The following KCNMA1 variants were observed in gnomAD, a reference collection of about 807,000 sequenced individuals.
KCNMA1 encodes the protein potassium calcium-activated channel subfamily M alpha 1.
Under a neutral mutation model 140.0 loss-of-function variants are expected in KCNMA1, and 29 were observed. The ratio of observed to expected loss-of-function variants is 0.21; its 90% CI spans 0.15 to 0.28. KCNMA1 has a LOEUF of 0.28. Ranked by LOEUF, KCNMA1 falls within the 10% of genes least tolerant of loss-of-function variation. KCNMA1 has a pLI of 1.00. For synonymous variants in KCNMA1, 612 were observed against 611.9 expected (o/e 1.00, Z 0.00); for missense variants, 880 against 1,602.2 (o/e 0.55, Z 7.70).
At position 77,073,192 on chromosome 10, in the gene KCNMA1, C is replaced by T; in HGVS notation, c.1654G>A (p.Ala552Thr). 6.2e-7 allele frequency: 1 copy of T among 1,614,174 alleles called. No homozygotes were observed. The highest frequency in any genetic ancestry group is 8.5e-7 in the Non-Finnish European group (1 of 1,179,992). Residue 552 changes from alanine to threonine, a missense_variant, in exon 14 of 28, where the codon GCA (alanine) becomes ACA (threonine). Transcript: ENST00000286628. ...GCTATGAAGCCCAACTTCAACTCTG[C>T]GAGGCAGATTGCGTCATCACCTTCT... ...WKEGDDAICL[A>T]ELKLGFIAQS... is the part of the protein sequence containing the mutation.
chr10:77,427,466 G>C (rs1402291519), intron 1 of KCNMA1, among the ~76,000 whole-genome samples: 1 of 152,220 alleles, frequency 6.6e-6, no homozygotes, highest in Non-Finnish European at 1.5e-5. Flanking sequence ...GAGATGTGGA[G>C]ATGACTTGGC....
chr10:77,066,632 T>C (rs561818924), intron 14 of KCNMA1, among the ~76,000 whole-genome samples: 7 of 152,252 alleles, frequency 4.6e-5, no homozygotes, highest in Admixed American at 3.9e-4. Flanking sequence ...CTAAAAGCAA[T>C]GAGAATAATT....
chr10:77,444,410 G>T (rs751447030), intron 1 of KCNMA1, among the ~76,000 whole-genome samples: 2 of 152,200 alleles, frequency 1.3e-5, no homozygotes, highest in Admixed American at 6.5e-5. Context: ...TTCTTCAAAA[G>T]CTGTAGCAGC....
At chr10:77,335,546 ATGTTTGCACCTTTTTTAAAGGCT>A (rs1187333271) in intron 2 of KCNMA1, among the ~76,000 whole-genome samples, 1 of 152,140 alleles carries the variant, frequency 6.6e-6, no homozygotes, top group Non-Finnish European at 1.5e-5. Flanking sequence ...AGGCCTAGGG[ATGTTTGCACCTTTTTTAAAGGCT>A]CCTAGGTGAT....
chr10:77,049,927 G>A (rs982792680), intron 14 of KCNMA1, among the ~76,000 whole-genome samples: 10 of 152,152 alleles, frequency 6.6e-5, no homozygotes, highest in African/African-American at 2.2e-4. Flanking sequence ...ACTGACTTAC[G>A]GTTTTCTAAA....
intron 20 of KCNMA1, among the ~76,000 whole-genome samples, chr10:76,955,197 CTT>C (rs60670000): frequency 1.8e-3 from 257 of 141,122 alleles, no homozygotes; most frequent in Non-Finnish European, 2.4e-3. Flanking sequence ...TTTCTTTTTT[CTT>C]TTTTTTTTTT....
intron 20 of KCNMA1, among the ~76,000 whole-genome samples, chr10:76,966,653 C>G (rs758241451): frequency 6.6e-6 from 1 of 152,068 alleles, no homozygotes; most frequent in Non-Finnish European, 1.5e-5. Context: ...AATTGGGCAA[C>G]GGGTGCTTGG....
chr10:77,635,818 T>C (rs1337949790), intron 1 of KCNMA1: 2 of 152,528 alleles, frequency 1.3e-5, no homozygotes, highest in Non-Finnish European at 2.9e-5. Context: ...CTCCCTTTGT[T>C]CCAATACACC....
intron 1 of KCNMA1, among the ~76,000 whole-genome samples, chr10:77,430,854 G>A (rs1398321228): frequency 6.6e-6 from 1 of 152,174 alleles, no homozygotes; most frequent in Non-Finnish European, 1.5e-5. Flanking sequence ...TAAGTTAGGT[G>A]GAAGGAATAA....
At chr10:77,500,613 A>G (rs530386313) in intron 1 of KCNMA1, among the ~76,000 whole-genome samples, 17 of 152,342 alleles carry the variant, frequency 1.1e-4, no homozygotes, top group African/African-American at 4.1e-4. Context: ...AGATAATCCA[A>G]AGTGAGTATC....
At chr10:77,277,976 A>G (rs754082704) in intron 2 of KCNMA1, among the ~76,000 whole-genome samples, 3 of 152,184 alleles carry the variant, frequency 2.0e-5, no homozygotes, top group Non-Finnish European at 4.4e-5. Context: ...TCCATTAATC[A>G]ATACCAAGAG....
intron 17 of KCNMA1, chr10:77,012,701 T>G (rs952884420): frequency 5.0e-5 from 34 of 676,134 alleles, no homozygotes; most frequent in Non-Finnish European, 2.6e-6. Flanking sequence ...TAAATGATGG[T>G]TTTCTTCTCA....
intron 9 of KCNMA1, among the ~76,000 whole-genome samples, chr10:77,097,454 C>T (rs1202241550): frequency 6.6e-6 from 1 of 152,148 alleles, no homozygotes; most frequent in Non-Finnish European, 1.5e-5. Context: ...TATTTGTTAA[C>T]TGATGGATTG....
chr10:77,506,596 A>AGAGAGTGTGT lies in KCNMA1; in HGVS notation c.379-102574_379-102573insACACACTCTC. 3.8e-3 allele frequency among the ~76,000 whole-genome samples: 319 copies of AGAGAGTGTGT among 83,520 alleles called. 7 individuals are homozygous for AGAGAGTGTGT. Among genetic ancestry groups the AGAGAGTGTGT allele is most frequent in the Admixed American group, 0.01 (82 of 8,104 alleles). 54.8% of individuals were successfully genotyped at this position (83,520 alleles called of 152,430 possible). A position where few individuals can be genotyped will look rare whatever the true frequency, so the allele number is the denominator to read the frequency against. On this transcript the variant is annotated intron_variant, in intron 1 of 27. Coordinates refer to ENST00000286628, the MANE Select transcript of KCNMA1 (RefSeq NM_001161352.2). ...TAGAGAGAGAGAGAGAGAGAGAGAG[A>AGAGAGTGTGT]GTGTGTGTGTGTGTGTGTGTGTGTT...
At chr10:77,572,205 C>T (rs550908861) in intron 1 of KCNMA1, among the ~76,000 whole-genome samples, 2 of 152,226 alleles carry the variant, frequency 1.3e-5, no homozygotes, top group African/African-American at 2.4e-5. Flanking sequence ...CCTATACACA[C>T]ATGATGTGGG....
chr10:76,968,714 A>G (rs896734645), intron 20 of KCNMA1, among the ~76,000 whole-genome samples: 3 of 152,236 alleles, frequency 2.0e-5, no homozygotes, highest in South Asian at 2.1e-4. Context: ...GCCAAACCCA[A>G]GGAAGGCTGG....
chr10:77,382,624 G>A (rs183674055), intron 2 of KCNMA1, among the ~76,000 whole-genome samples: 66 of 152,040 alleles, frequency 4.3e-4, no homozygotes, highest in African/African-American at 1.6e-3. Flanking sequence ...CAGCACTTTG[G>A]GAGGCCAAGG....
At chr10:77,083,501 T>TTA (rs767511483) in intron 12 of KCNMA1, among the ~76,000 whole-genome samples, 1 of 91,394 alleles carries the variant, frequency 1.1e-5, no homozygotes, top group Non-Finnish European at 2.1e-5. Context: ...AGATGTTCTG[T>TTA]AAAAAAAAAA....
chr10:77,588,004 A>G, intron 1 of KCNMA1: 1 of 320,192 alleles, frequency 3.1e-6, no homozygotes, highest in Non-Finnish European at 4.5e-6. Flanking sequence ...TCAAACTTTG[A>G]TCATAATCAC....
Sources: allele counts gnomAD v4.1 joint callset (sites outside exome capture counted in the v4.1 genomes callset), GRCh38; gene constraint gnomAD v4.1.1; transcripts MANE v1.5; gene names NCBI Gene and HGNC (gene_info 2026-07-23, HGNC 2026-07-21).